TIMM44: variants seen among roughly 807,000 people sequenced by gnomAD.
TIMM44 encodes mitochondrial import inner membrane translocase subunit TIM44.
In TIMM44, 37 loss-of-function variants were observed where a neutral mutation model predicts 63.8. That is an observed-to-expected ratio of 0.58 (90% CI 0.45 to 0.76). The LOEUF is 0.76. Among genes scored for constraint, TIMM44 ranks in the 30% least tolerant of loss-of-function variants. TIMM44 has a pLI of 0.00. For missense variants in TIMM44, 573 were observed against 603.8 expected (o/e 0.95, Z 0.54); for synonymous variants, 239 against 245.1 (o/e 0.98, Z 0.23).
intron 3 of TIMM44, 28 bp downstream of exon 3, chr19:7,937,998 AG>A: frequency 6.2e-7 from 1 of 1,613,516 alleles, no homozygotes; most frequent in Non-Finnish European, 8.5e-7. Flanking sequence ...AGCCTGGGTG[AG>A]GGAAAAAAAA....
At position 7,934,389 on chromosome 19, in the gene TIMM44, C is replaced by A; in HGVS notation, c.394-151G>T. The stretch of plus-strand genomic sequence containing the variant: ...CTGTGCTCCTGTGGTACGCGGCACC[C>A]CCAGAGCCATGAGCACAACGGCACC... On this transcript the variant is annotated intron_variant, in intron 4 of 12. Transcript: ENST00000270538. This position sits in a 1 kb window ranked among gnomAD's most constrained non-coding sequence, Gnocchi z 5.3. 1 of 1,044,046 alleles carries A rather than the reference C, an allele frequency of 9.6e-7. No individual in the cohort carries two copies. Among genetic ancestry groups the A allele is most frequent in the Non-Finnish European group, 1.4e-6 (1 of 704,258 alleles). The allele number at this position is 1,044,046 out of a possible 1,614,324, so 64.7% of individuals were successfully genotyped here.
intron 12 of TIMM44, 51 bp from the exon 13 acceptor site, chr19:7,927,357 G>C (rs780267170): frequency 1.3e-6 from 2 of 1,587,738 alleles, no homozygotes; most frequent in Admixed American, 3.4e-5. Flanking sequence ...GGTGACCCAG[G>C]CAGCTCTGGG....
intron 9 of TIMM44, 49 bp downstream of exon 9, chr19:7,932,578 G>C: frequency 6.2e-7 from 1 of 1,601,824 alleles, no homozygotes; most frequent in Non-Finnish European, 8.5e-7. Flanking sequence ...GGGAGGTGGT[G>C]GAGCCAGGAC....
chr19:7,935,017 G>A, intron 4 of TIMM44, 48 bp downstream of exon 4: 1 of 1,554,526 alleles, frequency 6.4e-7, no homozygotes, highest in Non-Finnish European at 8.8e-7. Context: ...CCAGCGGCCA[G>A]GGGACTTTGA....
chr19:7,932,263 C>T (rs1392450655), intron 9 of TIMM44: 1 of 319,898 alleles, frequency 3.1e-6, no homozygotes, highest in African/African-American at 2.1e-5. Context: ...GGCCTGGGGC[C>T]AGCTCTGATG....
At chr19:7,937,874 T>G in intron 3 of TIMM44, 153 bp downstream of exon 3, 1 of 870,042 alleles carries the variant, frequency 1.1e-6, no homozygotes, top group East Asian at 2.6e-5. Flanking sequence ...AAAAATTAGC[T>G]GGGCGTGGTG....
At position 7,932,943 on chromosome 19, in the gene TIMM44, T is replaced by TG. The variant is rs748031540; in HGVS notation, c.770-12dup. On this transcript the variant is annotated splice_polypyrimidine_tract_variant and intron_variant, in intron 7 of 12. Transcript: ENST00000270538. ...TCATCTCGAAGAACCCTGTGGAAGA[T>TG]GGGGTAGGTGCTGGAGAAGGGGCCC... The TG allele has an allele frequency of 1.2e-6, 2 of 1,612,564 alleles. No individual in the cohort carries two copies. The highest frequency in any genetic ancestry group is 1.7e-6 in the Non-Finnish European group (2 of 1,178,722).
At chr19:7,929,496 G>C (rs962277168) in intron 10 of TIMM44, among the ~76,000 whole-genome samples, 8 of 152,194 alleles carry the variant, frequency 5.3e-5, no homozygotes, top group Admixed American at 4.6e-4. Context: ...ACCGATGAAA[G>C]CTCCCCCAAC....
Position 7,933,594 on chromosome 19 carries a change from G to A in TIMM44, c.684-24C>T, listed in dbSNP as rs374879364. ...CCCTGGGGAAGAGGGTGGGCCCTGG[G>A]GTGAGCGGCGGCGCCAGGGCCACCC... On this transcript the variant is annotated intron_variant, in intron 6 of 12. Coordinates refer to ENST00000270538, the MANE Select transcript of TIMM44 (RefSeq NM_006351.4). The surrounding 1 kb of genome is among the most constrained non-coding windows in gnomAD (Gnocchi z 4.3). 1.9e-6 allele frequency: 3 copies of A among 1,604,756 alleles called. No individual in the cohort carries two copies. The highest frequency in any genetic ancestry group is 1.3e-5 in the African/African-American group (1 of 74,810).
intron 3 of TIMM44, 74 bp downstream of exon 3, chr19:7,937,953 G>T (rs1471612891): frequency 1.3e-6 from 2 of 1,570,832 alleles, no homozygotes; most frequent in East Asian, 2.3e-5. Flanking sequence ...GGGAGGTGGA[G>T]GTTGCAGTGA....
intron 10 of TIMM44, 26 bp downstream of exon 10, chr19:7,931,112 A>G (rs1983969749): frequency 6.2e-6 from 10 of 1,608,326 alleles, no homozygotes; most frequent in Non-Finnish European, 8.5e-6. Flanking sequence ...TAAAAAAAAA[A>G]AAAGAAAAAG....
At chr19:7,929,124 AACAC>A (rs1400059894) in intron 10 of TIMM44, among the ~76,000 whole-genome samples, 1 of 152,156 alleles carries the variant, frequency 6.6e-6, no homozygotes, top group African/African-American at 2.4e-5. Context: ...AGGGGAAAGA[AACAC>A]ACAGGTCGGG....
At chr19:7,942,662 CTTT>C (rs869229145) in intron 1 of TIMM44, among the ~76,000 whole-genome samples, 4 of 139,512 alleles carry the variant, frequency 2.9e-5, no homozygotes, top group Admixed American at 7.2e-5. Context: ...TTGAGGATAA[CTTT>C]TTTTTTTTTT....
intron 1 of TIMM44, among the ~76,000 whole-genome samples, chr19:7,941,634 CT>C (rs1003475108): frequency 7.2e-5 from 11 of 151,898 alleles, no homozygotes; most frequent in African/African-American, 2.7e-4. Flanking sequence ...GCCGGGCACT[CT>C]GTAATCTTCC....
At chr19:7,937,850 A>G in intron 3 of TIMM44, 177 bp downstream of exon 3, 1 of 695,234 alleles carries the variant, frequency 1.4e-6, no homozygotes. Context: ...AAACCTCTTC[A>G]CTACTAAAAA....
chr19:7,932,490 C>G (rs552741018), intron 9 of TIMM44, 137 bp downstream of exon 9: 3 of 1,257,866 alleles, frequency 2.4e-6, no homozygotes, highest in Non-Finnish European at 3.4e-6. Flanking sequence ...GGCAGGAGCC[C>G]GTGTGCAACC....
At chr19:7,929,131 A>G (rs988963628) in intron 10 of TIMM44, among the ~76,000 whole-genome samples, 2 of 152,128 alleles carry the variant, frequency 1.3e-5, no homozygotes, top group Non-Finnish European at 2.9e-5. Context: ...AGAAACACAC[A>G]GGTCGGGGAG....
chr19:7,930,607 C>T (rs555072428), intron 10 of TIMM44, among the ~76,000 whole-genome samples: 5 of 152,276 alleles, frequency 3.3e-5, no homozygotes, highest in African/African-American at 1.2e-4. Flanking sequence ...CACCCTGCCA[C>T]TTGGCTCATT....
Position 7,934,278 on chromosome 19 carries a change from C to T in TIMM44, c.394-40G>A. The T allele has an allele frequency of 6.2e-7, 1 of 1,606,306 alleles. No homozygotes were observed. The highest frequency in any genetic ancestry group is 1.3e-5 in the African/African-American group (1 of 75,052). The stretch of plus-strand genomic sequence containing the variant: ...ACAGAGAGGGGGCGTTGGCACCGGC[C>T]CTGGCGGCCGGGGGGCGGGGCAGGA... On this transcript the variant is annotated intron_variant, in intron 4 of 12. Coordinates refer to ENST00000270538, the MANE Select transcript of TIMM44 (RefSeq NM_006351.4). The surrounding 1 kb of genome is among the most constrained non-coding windows in gnomAD (Gnocchi z 5.3).
Sources: gnomAD v4.1 joint callset for allele counts (sites outside exome capture counted in the v4.1 genomes callset) on GRCh38, gnomAD v4.1.1 for gene constraint, Gnocchi (gnomAD v3.1) non-coding constraint, MANE v1.5 for transcripts, NCBI Gene and HGNC (gene_info 2026-07-23, HGNC 2026-07-21) for gene names.